BDNF: variants seen among roughly 807,000 people sequenced by gnomAD.
BDNF encodes neurotrophic factor BDNF precursor form.
A neutral mutation model predicts 19.5 loss-of-function variants in BDNF; 1 was observed. That is an observed-to-expected ratio of 0.05 (90% confidence interval 0.02 to 0.24). BDNF has a LOEUF of 0.24. Among genes scored for constraint, BDNF ranks in the 10% least tolerant of loss-of-function variants. The pLI, the probability that BDNF is intolerant of heterozygous loss-of-function variation, is 1.00. For synonymous variants in BDNF, 100 were observed against 121.6 expected (o/e 0.82, Z 1.17); for missense variants, 195 against 317.6 (o/e 0.61, Z 2.93).
At chr11:27,688,823 C>T (rs976743552) in intron 1 of BDNF, among the ~76,000 whole-genome samples, 6 of 152,240 alleles carry the variant, frequency 3.9e-5, no homozygotes, top group Admixed American at 1.3e-4. Flanking sequence ...ATTGATCTCT[C>T]TGGGAGCTGC....
chr11:27,716,440 T>TACACAC (rs895793513), intron 1 of BDNF, among the ~76,000 whole-genome samples: 4 of 86,470 alleles, frequency 4.6e-5, no homozygotes, highest in African/African-American at 7.8e-5. Flanking sequence ...CACACGCCCA[T>TACACAC]ACACACACAC....
Position 27,658,639 on chromosome 11 carries a change from C to T in BDNF, c.-21-54G>A, listed in dbSNP as rs534007890. On this transcript the variant is annotated intron_variant, in intron 1 of 1. Transcript: ENST00000356660. This position sits in a 1 kb window ranked among gnomAD's most constrained non-coding sequence, Gnocchi z 5.7. ...AAAACTGGTTAGGGCTTTCTTTCACCGGGATGCCATGTGGCCCATCTGATT... is the reference window on the plus strand; with the variant it reads ...AAAACTGGTTAGGGCTTTCTTTCACTGGGATGCCATGTGGCCCATCTGATT... 5.6e-5 allele frequency: 91 copies of T among 1,613,752 alleles called. No homozygotes were observed. Among genetic ancestry groups the T allele is most frequent in the African/African-American group, 2.1e-4 (16 of 75,044 alleles).
chr11:27,715,831 G>A (rs1860488273), intron 1 of BDNF, among the ~76,000 whole-genome samples: 1 of 152,124 alleles, frequency 6.6e-6, no homozygotes, highest in African/African-American at 2.4e-5. Context: ...TACCTTACAT[G>A]ACTGATAAGG....
At chr11:27,706,901 C>G (rs979664766) in intron 1 of BDNF, among the ~76,000 whole-genome samples, 1 of 152,160 alleles carries the variant, frequency 6.6e-6, no homozygotes, top group Non-Finnish European at 1.5e-5. Context: ...GCATTATTTT[C>G]AAAAGAAACA....
At chr11:27,660,486 T>C (rs1292069706) in intron 1 of BDNF, among the ~76,000 whole-genome samples, 1 of 152,204 alleles carries the variant, frequency 6.6e-6, no homozygotes, top group Non-Finnish European at 1.5e-5. Context: ...GGGGTTTCTA[T>C]TTCTGGTAGA....
In BDNF at chr11:27,659,575, T is replaced by C. The variant is rs567419054; in HGVS notation, c.-21-990A>G. On this transcript the variant is annotated intron_variant, in intron 1 of 1. Coordinates refer to ENST00000356660, the MANE Select transcript of BDNF (RefSeq NM_001709.5). ...TCACTCCTTGGCTTTTTCTGGCTAA[T>C]ACACACATCTAGCTAAGAAAGCTCA... The C allele has an allele frequency of 5.4e-5, 54 of 1,000,330 alleles. 1 individual carries two copies. The South Asian group carries it at 2.3e-3, about 43-fold the overall frequency. 62.0% of individuals were successfully genotyped at this position (1,000,330 alleles called of 1,614,324 possible).
chr11:27,701,703 T>C, upstream of BDNF: 1 of 742,070 alleles, frequency 1.3e-6, no homozygotes, highest in Non-Finnish European at 1.6e-6. Flanking sequence ...TGCCTCGAAA[T>C]AGACACTCTA....
rs540956844 is a variant in BDNF at position 27,685,164 on chromosome 11, A to T, written c.-22+15000T>A. 1.3e-4 allele frequency among the ~76,000 whole-genome samples: 20 copies of T among 151,974 alleles called. 1 individual carries two copies. Among genetic ancestry groups the T allele is most frequent in the Middle Eastern group, 6.8e-3 (2 of 292 alleles). On this transcript the variant is annotated intron_variant, in intron 1 of 1. Coordinates refer to ENST00000356660, the MANE Select transcript of BDNF (RefSeq NM_001709.5). The stretch of plus-strand genomic sequence containing the variant: ...CCAGGAATTTATTCATTTCTTCTAG[A>T]TTTTCTAGTTTATTTGCATAGAGGT...
At chr11:27,696,767 C>G (rs1306968182) in intron 1 of BDNF, among the ~76,000 whole-genome samples, 1 of 152,216 alleles carries the variant, frequency 6.6e-6, no homozygotes, top group Non-Finnish European at 1.5e-5. Flanking sequence ...CGAGACCCCT[C>G]ACACAAATTG....
chr11:27,698,715 T>C (rs1477113736), intron 1 of BDNF, among the ~76,000 whole-genome samples: 1 of 152,210 alleles, frequency 6.6e-6, no homozygotes, highest in Non-Finnish European at 1.5e-5. Flanking sequence ...CATATTACTT[T>C]GCTTTAAAAG....
chr11:27,655,579 G>A lies in BDNF; in HGVS notation c.*2242C>T, dbSNP rs963967008. ...ACAACACAAAACAAATCTACACTAC[G>A]TAAAGTCTTCCTTCTTTCAAAGAGG... On this transcript the variant is annotated 3_prime_UTR_variant, in exon 2 of 2. Transcript: ENST00000356660. 3 of 152,152 alleles carry A rather than the reference G, an allele frequency of 2.0e-5. No homozygotes were observed. Among genetic ancestry groups the A allele is most frequent in the Non-Finnish European group, 2.9e-5 (2 of 68,022 alleles). 9.4% of individuals were successfully genotyped at this position (152,152 alleles called of 1,614,324 possible).
chr11:27,704,139 C>A (rs1243010697), upstream of BDNF, among the ~76,000 whole-genome samples: 3 of 152,042 alleles, frequency 2.0e-5, no homozygotes, highest in African/African-American at 4.8e-5. Flanking sequence ...ATGTTAGGAG[C>A]AAAGTTTCCA....
At chr11:27,675,938 A>G (rs1856041823) in intron 1 of BDNF, 1 of 152,204 alleles carries the variant, frequency 6.6e-6, no homozygotes, top group African/African-American at 2.4e-5. Flanking sequence ...AACCAGACCC[A>G]CAAGCCATAC....
intron 1 of BDNF, among the ~76,000 whole-genome samples, chr11:27,681,193 C>G (rs902054982): frequency 1.2e-4 from 18 of 152,240 alleles, no homozygotes; most frequent in African/African-American, 4.3e-4. Context: ...GTAACTTGCC[C>G]AAAATCACAG....
chr11:27,700,770 G>A, upstream of BDNF: 2 of 1,196,944 alleles, frequency 1.7e-6, no homozygotes, highest in South Asian at 3.1e-5. Flanking sequence ...GGGTGTTCCA[G>A]CCCCAGCCTC....
intron 1 of BDNF, among the ~76,000 whole-genome samples, chr11:27,660,771 CAAA>C (rs546450288): frequency 5.2e-5 from 5 of 96,018 alleles, no homozygotes; most frequent in African/African-American, 7.2e-5. Flanking sequence ...AACTCCATCT[CAAA>C]AAAAAAAAAA....
At chr11:27,707,433 C>T (rs948991486) in intron 1 of BDNF, among the ~76,000 whole-genome samples, 12 of 152,164 alleles carry the variant, frequency 7.9e-5, no homozygotes. Flanking sequence ...AAAGTTAGCA[C>T]TCTAAAAAGA....
chr11:27,659,391 A>C (rs754776265), intron 1 of BDNF: 211 of 1,000,252 alleles, frequency 2.1e-4, no homozygotes, highest in Non-Finnish European at 2.4e-4. Context: ...TGACATGTTC[A>C]TTTTAATGAT....
rs1177179508 is a variant in BDNF at position 27,700,321 on chromosome 11, G to A, written c.-179C>T. 2.3e-5 allele frequency: 23 copies of A among 985,234 alleles called. No individual in the cohort carries two copies. The highest frequency in any genetic ancestry group is 2.8e-5 in the Non-Finnish European group (23 of 829,978). 61.0% of individuals were successfully genotyped at this position (985,234 alleles called of 1,614,324 possible). ...CTCATTAAAGCCCCCCGAGCAGGAG[G>A]TGGAGGGGCGCACCGGGCTGGCTCC... On this transcript the variant is annotated 5_prime_UTR_variant, in exon 1 of 2. Coordinates refer to ENST00000356660, the MANE Select transcript of BDNF (RefSeq NM_001709.5).
Sources: gnomAD v4.1 joint callset for allele counts (sites outside exome capture counted in the v4.1 genomes callset) on GRCh38, gnomAD v4.1.1 for gene constraint, Gnocchi (gnomAD v3.1) non-coding constraint, MANE v1.5 for transcripts, NCBI Gene and HGNC (gene_info 2026-07-23, HGNC 2026-07-21) for gene names.